Variants in ABCA2 observed in about 807,000 individuals in gnomAD.
The protein encoded by ABCA2 is ATP-binding cassette sub-family A member 2.
A neutral mutation model predicts 262.8 loss-of-function variants in ABCA2; 84 were observed. The ratio of observed to expected loss-of-function variants is 0.32; its 90% confidence interval spans 0.27 to 0.38. The LOEUF (loss-of-function observed/expected upper bound fraction) is 0.38, where lower values mean the gene tolerates loss of function less well. Ranked by LOEUF, ABCA2 falls within the 10% of genes least tolerant of loss-of-function variation. The pLI is 1.00. For missense variants in ABCA2, 2,662 were observed against 3,405.9 expected (o/e 0.78, Z 5.44); for synonymous variants, 1,696 against 1,502.9 (o/e 1.13, Z -2.97).
chr9:137,008,984 G>A lies in ABCA2; in HGVS notation c.6897C>T (p.Phe2299=), dbSNP rs749170752. The A allele has an allele frequency of 6.2e-7, 1 of 1,600,512 alleles. No individual in the cohort carries two copies. The highest frequency in any genetic ancestry group is 1.7e-5 in the Admixed American group (1 of 57,824). The change falls in exon 46 of 49, where the codon TTC becomes TTT. Residue 2299 remains phenylalanine, a synonymous_variant. Transcript: ENST00000341511. ...TGGCTTCCGGGAAGTTGCGGTTGAA[G>A]AACCGCACCACGTCCTTCACACTCT... ...SSQSVKDVVR[F]FNRNFPEAML... is the part of the protein sequence containing the mutation.
In ABCA2 at chr9:137,021,103, A is replaced by G. The variant is rs1487218555; in HGVS notation, c.898-42T>C. 2 of 1,449,672 alleles carry G rather than the reference A, an allele frequency of 1.4e-6. No homozygotes were observed. The highest frequency in any genetic ancestry group is 1.8e-6 in the Non-Finnish European group (2 of 1,102,918). 89.8% of individuals were successfully genotyped at this position (1,449,672 alleles called of 1,614,324 possible). A position where few individuals can be genotyped will look rare whatever the true frequency, so the allele number is the denominator to read the frequency against. ...ACGTGGGCAGTGCGGGGTGAGATGG[A>G]CTGCAGGTGGGTGATAGGTCAGGAG... On this transcript the variant is annotated intron_variant, in intron 8 of 48. Coordinates refer to ENST00000341511, the MANE Select transcript of ABCA2 (RefSeq NM_001606.5). The surrounding 1 kb of genome is among the most constrained non-coding windows in gnomAD (Gnocchi z 6.0).
intron 45 of ABCA2, 156 bp downstream of exon 45, chr9:137,009,214 C>A: frequency 3.3e-6 from 3 of 917,746 alleles, no homozygotes; most frequent in Non-Finnish European, 4.8e-6. Flanking sequence ...GGCTCCTCCC[C>A]TGGCCCCACT....
Position 137,013,823 on chromosome 9 carries a change from G to C in ABCA2, c.4447+9C>G. 6.3e-7 allele frequency: 1 copy of C among 1,597,514 alleles called. No homozygotes were observed. Among genetic ancestry groups the C allele is most frequent in the Non-Finnish European group, 8.5e-7 (1 of 1,172,900 alleles). ...CAAGCCCAGCACCCCTGTCCAGCCG[G>C]TGGCCTACCAATCTCCGGGACGGAC... On this transcript the variant is annotated intron_variant, in intron 28 of 48. Coordinates refer to ENST00000341511, the MANE Select transcript of ABCA2 (RefSeq NM_001606.5).
intron 48 of ABCA2, 163 bp from the exon 49 acceptor site, chr9:137,008,127 G>T: frequency 1.1e-6 from 1 of 944,954 alleles, no homozygotes; most frequent in East Asian, 2.6e-5. Context: ...GCCTCCGTCT[G>T]CCGAGTCTGG....
chr9:137,028,707 T>C, upstream of ABCA2: 1 of 1,244,538 alleles, frequency 8.0e-7, no homozygotes, highest in Non-Finnish European at 1.0e-6. This position sits in a 1 kb window ranked among gnomAD's most constrained non-coding sequence, Gnocchi z 6.9. Flanking sequence ...GGAGTCCAGG[T>C]GGTGCCCACC....
intron 28 of ABCA2, 83 bp from the exon 29 acceptor site, chr9:137,013,646 C>T: frequency 1.4e-6 from 2 of 1,438,406 alleles, no homozygotes; most frequent in Non-Finnish European, 9.5e-7. Context: ...CCCCCAACCC[C>T]AAGGGATCCA....
intron 21 of ABCA2, 49 bp downstream of exon 21, chr9:137,016,242 T>A (rs753122609): frequency 6.2e-7 from 1 of 1,611,796 alleles, no homozygotes; most frequent in Non-Finnish European, 8.5e-7. Flanking sequence ...TGACTAGGAC[T>A]CCTGCTCTGG....
In ABCA2 at chr9:137,009,534, C is replaced by T. The variant is rs1260448722; in HGVS notation, c.6734+7G>A. On this transcript the variant is annotated splice_region_variant and intron_variant, in intron 44 of 48. Transcript: ENST00000341511. ...GGGGCACAAAGAGGGGGTGGGGGCG[C>T]CCTCACCTGTGTGATGTCAGCACCA... 1.2e-6 allele frequency: 2 copies of T among 1,612,542 alleles called. No homozygotes were observed. Among genetic ancestry groups the T allele is most frequent in the Middle Eastern group, 1.6e-4 (1 of 6,078 alleles).
chr9:137,018,629 G>A, intron 13 of ABCA2, 90 bp downstream of exon 13: 1 of 1,154,780 alleles, frequency 8.7e-7, no homozygotes, highest in Non-Finnish European at 1.2e-6. Flanking sequence ...GCGCGGCCAA[G>A]GAGTGGGAGG....
chr9:137,016,862 CCCCAA>C, intron 19 of ABCA2, 53 bp downstream of exon 19: 5 of 1,592,930 alleles, frequency 3.1e-6, no homozygotes, highest in Non-Finnish European at 4.3e-6. Context: ...GACTGCTGGT[CCCCAA>C]CCCTGGCTGG....
Position 137,011,400 on chromosome 9 carries a change from G to A in ABCA2, c.5799+7C>T, listed in dbSNP as rs375299906. ...CCGCCACCCCCACCATGTCGTCACC[G>A]CCCCACCTTGTCGTGCTCGAAGAGC... On this transcript the variant is annotated splice_region_variant and intron_variant, in intron 37 of 48. Coordinates refer to ENST00000341511, the MANE Select transcript of ABCA2 (RefSeq NM_001606.5). This position sits in a 1 kb window ranked among gnomAD's most constrained non-coding sequence, Gnocchi z 8.8. 216 of 1,609,532 alleles carry A rather than the reference G, an allele frequency of 1.3e-4. No homozygotes were observed. The highest frequency in any genetic ancestry group is 9.6e-4 in the East Asian group (43 of 44,762).
Position 137,009,358 on chromosome 9 carries a change from G to T in ABCA2, c.6827+12C>A. The stretch of plus-strand genomic sequence containing the variant: ...CCCGCCCCAGCCCACCCCTGGCCCT[G>T]CCCCGGCTCACCGGTTCTTCAGGTG... On this transcript the variant is annotated intron_variant, in intron 45 of 48. Coordinates refer to ENST00000341511, the MANE Select transcript of ABCA2 (RefSeq NM_001606.5). 2 of 947,394 alleles carry T rather than the reference G, an allele frequency of 2.1e-6. No individual in the cohort carries two copies. Among genetic ancestry groups the T allele is most frequent in the African/African-American group, 1.9e-5 (1 of 53,520 alleles). 58.7% of individuals were successfully genotyped at this position (947,394 alleles called of 1,614,324 possible). A position where few individuals can be genotyped will look rare whatever the true frequency, so the allele number is the denominator to read the frequency against.
chr9:137,010,960 G>A lies in ABCA2; in HGVS notation c.6056+13C>T, dbSNP rs751543772. 5.4e-4 allele frequency: 187 copies of A among 345,908 alleles called. No homozygotes were observed. Among genetic ancestry groups the A allele is most frequent in the Middle Eastern group, 9.9e-4 (1 of 1,014 alleles). The allele number at this position is 345,908 out of a possible 1,614,324, so 21.4% of individuals were successfully genotyped here. ...TCCCGCCCCGCCCCCGCCCCACCCC[G>A]CCCCCCACTCACTGTGGCCGCCGCA... On this transcript the variant is annotated intron_variant, in intron 39 of 48. Coordinates refer to ENST00000341511, the MANE Select transcript of ABCA2 (RefSeq NM_001606.5).
In ABCA2 at chr9:137,020,373, G is replaced by A; in HGVS notation, c.1388C>T (p.Ala463Val). 3.1e-6 allele frequency: 5 copies of A among 1,613,078 alleles called. No homozygotes were observed. The highest frequency in any genetic ancestry group is 2.5e-6 in the Non-Finnish European group (3 of 1,179,984). The change falls in exon 10 of 49, where the codon GCG (alanine) becomes GTG (valine). Residue 463 changes from alanine (A) to valine (V), a missense_variant. Transcript: ENST00000341511. ...GCGGTCGACCTCAGAGCCCGCAGGC[G>A]CGTACAGGATTTTGGGGTTGCTGGT... ...LMTSNPKILY[A>V]PAGSEVDRVI...
chr9:137,024,695 TGAG>T (rs1382381937), intron 1 of ABCA2, among the ~76,000 whole-genome samples: 1 of 151,982 alleles, frequency 6.6e-6, no homozygotes, highest in East Asian at 1.9e-4. Flanking sequence ...CCTGGGGAGA[TGAG>T]GAGGCCTGGT....
chr9:137,024,122 G>T, intron 2 of ABCA2, 21 bp downstream of exon 2: 1 of 1,595,490 alleles, frequency 6.3e-7, no homozygotes, highest in African/African-American at 1.3e-5. Context: ...GGCTGTGCCT[G>T]GGGCCTCCTG....
chr9:137,024,283 C>T (rs1831578363), intron 1 of ABCA2, 47 bp from the exon 2 acceptor site: 1 of 1,501,106 alleles, frequency 6.7e-7, no homozygotes, highest in Non-Finnish European at 9.0e-7. Context: ...CTGTGCTCGC[C>T]TAGGCCCTCC....
chr9:137,025,327 C>T (rs183066264), intron 1 of ABCA2, among the ~76,000 whole-genome samples: 10 of 152,336 alleles, frequency 6.6e-5, no homozygotes, highest in African/African-American at 2.2e-4. Context: ...CTCCAGAGAG[C>T]CCTCGGCAGA....
Position 137,011,655 on chromosome 9 carries a change from A to G in ABCA2, c.5630T>C (p.Leu1877Pro). ...TTACCCATAGAGCAGGAAGAGGGAGAGGACGGCAGGGAAGTTGGTGGGCGA... is the reference window on the plus strand; with the variant it reads ...TTACCCATAGAGCAGGAAGAGGGAGGGGACGGCAGGGAAGTTGGTGGGCGA... ...YTSPTNFPAV[L>P]SLFLLYGWSI... The change falls in exon 36 of 49, where the codon CTC (leucine) becomes CCC (proline). Residue 1877 changes from leucine (L) to proline (P), a missense_variant. Coordinates refer to ENST00000341511, the MANE Select transcript of ABCA2 (RefSeq NM_001606.5). The surrounding 1 kb of genome is among the most constrained non-coding windows in gnomAD (Gnocchi z 8.8). 1 of 1,553,924 alleles carries G rather than the reference A, an allele frequency of 6.4e-7. No individual in the cohort carries two copies. The highest frequency in any genetic ancestry group is 2.4e-5 in the East Asian group (1 of 41,170).
Sources: gnomAD v4.1 joint callset for allele counts (sites outside exome capture counted in the v4.1 genomes callset) on GRCh38, gnomAD v4.1.1 for gene constraint, Gnocchi (gnomAD v3.1) non-coding constraint, MANE v1.5 for transcripts, NCBI Gene and HGNC (gene_info 2026-07-23, HGNC 2026-07-21) for gene names.